Variants in PPFIBP2 observed in about 807,000 individuals in gnomAD.
The protein encoded by PPFIBP2 is PPFIB scaffold protein 2.
Under a neutral mutation model 118.3 loss-of-function variants are expected in PPFIBP2, and 118 were observed. That is an observed-to-expected ratio of 1.00 (90% confidence interval 0.86 to 1.16). The LOEUF is 1.16. PPFIBP2 is among the 50% of genes most tolerant of loss of function. The pLI is 0.00. For synonymous variants in PPFIBP2, 414 were observed against 397.4 expected, an observed-to-expected ratio of 1.04 and a Z score of -0.50; for missense variants, 1,195 against 1,073.1, an observed-to-expected ratio of 1.11 and a Z score of -1.59.
At chr11:7,610,189 T>A (rs1056192602) in intron 5 of PPFIBP2, 102 bp from the exon 6 acceptor site, 5 of 1,400,924 alleles carry the variant, frequency 3.6e-6, no homozygotes, top group Non-Finnish European at 4.0e-6. Context: ...TCTGTGTTGT[T>A]GAACACACAA....
intron 11 of PPFIBP2, chr11:7,632,414 G>A: frequency 6.0e-6 from 1 of 166,956 alleles, no homozygotes; most frequent in Non-Finnish European, 1.3e-5. Flanking sequence ...GGGAGTAGAT[G>A]TTGCTGATGT....
rs189038969 is a variant in PPFIBP2, at chr11:7,550,175, C to G, written c.64+636C>G. On this transcript the variant is annotated intron_variant, in intron 2 of 23. Coordinates refer to ENST00000299492, the MANE Select transcript of PPFIBP2 (RefSeq NM_003621.5). ...TTTCTTCATGGGAGCAACCAGAAGC[C>G]TATATTGATTAGACCAAACGTTTTG... Among the ~76,000 whole-genome samples the G allele has an allele frequency of 5.9e-5, 9 of 152,306 alleles. No homozygotes were observed. In the East Asian group the frequency reaches 1.4e-3, roughly 23 times the overall value.
At chr11:7,587,164 G>A (rs923540035) in intron 3 of PPFIBP2, among the ~76,000 whole-genome samples, 2 of 152,174 alleles carry the variant, frequency 1.3e-5, no homozygotes, top group Non-Finnish European at 2.9e-5. Context: ...AACAGGTGGT[G>A]GATAGAAAGC....
chr11:7,536,455 A>G (rs895826413), intron 1 of PPFIBP2, among the ~76,000 whole-genome samples: 1 of 152,094 alleles, frequency 6.6e-6, no homozygotes, highest in African/African-American at 2.4e-5. Context: ...GAGAGAGTGC[A>G]GATTCAGTTT....
intron 3 of PPFIBP2, among the ~76,000 whole-genome samples, chr11:7,589,508 G>A (rs554370073): frequency 6.6e-6 from 1 of 151,816 alleles, no homozygotes; most frequent in Non-Finnish European, 1.5e-5. Flanking sequence ...CAGGAGGATC[G>A]CTTGAACCCA....
At chr11:7,519,470 T>C (rs1849538429) in intron 1 of PPFIBP2, among the ~76,000 whole-genome samples, 1 of 152,180 alleles carries the variant, frequency 6.6e-6, no homozygotes, top group Non-Finnish European at 1.5e-5. Flanking sequence ...AGTCGAATGT[T>C]TCATTTGCCG....
intron 3 of PPFIBP2, among the ~76,000 whole-genome samples, chr11:7,591,185 T>C (rs1308621860): frequency 2.0e-5 from 3 of 152,142 alleles, no homozygotes; most frequent in African/African-American, 7.2e-5. Flanking sequence ...TAATGAAGAA[T>C]ATACTGCACA....
At chr11:7,644,663 C>T (rs191222478) in intron 17 of PPFIBP2, among the ~76,000 whole-genome samples, 1 of 152,148 alleles carries the variant, frequency 6.6e-6, no homozygotes. Flanking sequence ...TTGTATGGAG[C>T]CCTTCCAGGG....
chr11:7,613,526 A>G (rs1848304260), intron 6 of PPFIBP2, among the ~76,000 whole-genome samples: 1 of 152,186 alleles, frequency 6.6e-6, no homozygotes. Flanking sequence ...TCAGGGTCAT[A>G]TGAGGGTACT....
At chr11:7,582,322 T>C (rs973246335) in intron 3 of PPFIBP2, among the ~76,000 whole-genome samples, 2 of 152,186 alleles carry the variant, frequency 1.3e-5, no homozygotes, top group Admixed American at 6.5e-5. Context: ...CCAAGGGCAC[T>C]AGCTTCCTCA....
At chr11:7,555,451 G>A (rs572736899) in intron 2 of PPFIBP2, among the ~76,000 whole-genome samples, 3 of 152,352 alleles carry the variant, frequency 2.0e-5, no homozygotes, top group South Asian at 4.1e-4. Flanking sequence ...GTTGGCTTGT[G>A]AATGAAGTCA....
rs373320437 is a variant in PPFIBP2 at position 7,549,499 on chromosome 11, G to A, written c.24G>A (p.Ala8=). The change falls in exon 2 of 24, where the codon GCG becomes GCA. Residue 8 remains alanine, a synonymous_variant. Coordinates refer to ENST00000299492, the MANE Select transcript of PPFIBP2 (RefSeq NM_003621.5). The stretch of plus-strand genomic sequence containing the variant: ...TCATGGCTTCTGATGCTAGTCATGC[G>A]CTGGAAGCTGCCCTGGAGCAAATGG... MASDASH[A]LEAALEQMDG... 159 of 1,563,060 alleles carry A rather than the reference G, an allele frequency of 1.0e-4. 1 individual carries two copies. Among genetic ancestry groups the A allele is most frequent in the South Asian group, 3.4e-4 (29 of 84,548 alleles).
intron 2 of PPFIBP2, among the ~76,000 whole-genome samples, chr11:7,564,192 G>C (rs912972816): frequency 2.0e-5 from 3 of 151,934 alleles, no homozygotes; most frequent in Non-Finnish European, 4.4e-5. Context: ...TAGTGGAACA[G>C]TTGAATTTGG....
intron 5 of PPFIBP2, chr11:7,606,120 G>C: frequency 3.8e-6 from 5 of 1,316,232 alleles, no homozygotes; most frequent in Non-Finnish European, 5.0e-6. Flanking sequence ...TCTTAGAATA[G>C]CAGGATAGAT....
At chr11:7,555,470 G>C (rs1853497523) in intron 2 of PPFIBP2, among the ~76,000 whole-genome samples, 1 of 152,220 alleles carries the variant, frequency 6.6e-6, no homozygotes, top group Admixed American at 6.5e-5. Flanking sequence ...CAGCTGTGGT[G>C]CTGAGGACTG....
At position 7,628,282 on chromosome 11, in the gene PPFIBP2, T is replaced by C; in HGVS notation, c.827-3T>C. 6.2e-7 allele frequency: 1 copy of C among 1,612,824 alleles called. No homozygotes were observed. Among genetic ancestry groups the C allele is most frequent in the African/African-American group, 1.3e-5 (1 of 75,004 alleles). ...AATTATTTCTATACCTGAATTCTTT[T>C]AGACCAAGAAATTCAACGTCTGAAA... On this transcript the variant is annotated splice_polypyrimidine_tract_variant and splice_region_variant and intron_variant, in intron 8 of 23. Coordinates refer to ENST00000299492, the MANE Select transcript of PPFIBP2 (RefSeq NM_003621.5).
intron 4 of PPFIBP2, chr11:7,597,305 T>C (rs1280814014): frequency 6.5e-7 from 1 of 1,535,674 alleles, no homozygotes; most frequent in East Asian, 2.4e-5. Context: ...GGTGTTTTAC[T>C]CTTGAGTCTA....
intron 6 of PPFIBP2, chr11:7,617,415 T>C (rs887882721): frequency 1.7e-6 from 1 of 573,184 alleles, no homozygotes; most frequent in African/African-American, 2.0e-5. Flanking sequence ...TGTTGTTACC[T>C]CTGGGCAGAG....
chr11:7,642,873 C>T (rs928530873), intron 17 of PPFIBP2, among the ~76,000 whole-genome samples: 1 of 152,144 alleles, frequency 6.6e-6, no homozygotes, highest in East Asian at 1.9e-4. Context: ...GACCTGCATC[C>T]CCTGCGGAAG....
Sources: gnomAD v4.1 joint callset for allele counts (sites outside exome capture counted in the v4.1 genomes callset) on GRCh38, gnomAD v4.1.1 for gene constraint, MANE v1.5 for transcripts, NCBI Gene and HGNC (gene_info 2026-07-23, HGNC 2026-07-21) for gene names.